Variants in SLC5A12 observed in about 807,000 individuals in gnomAD.
SLC5A12 encodes solute carrier family 5 member 12.
Under a neutral mutation model 72.7 loss-of-function variants are expected in SLC5A12, and 46 were observed. That is an observed-to-expected ratio of 0.63 (90% CI 0.50 to 0.81). SLC5A12 has a LOEUF of 0.81. Among genes scored for constraint, SLC5A12 ranks in the 30% least tolerant of loss-of-function variants. The pLI is 0.00. For missense variants in SLC5A12, 683 were observed against 740.7 expected (o/e 0.92, Z 0.90); for synonymous variants, 275 against 264.4 (o/e 1.04, Z -0.39).
At chr11:26,674,636 C>T (rs997699181) in intron 13 of SLC5A12, among the ~76,000 whole-genome samples, 6 of 152,118 alleles carry the variant, frequency 3.9e-5, no homozygotes, top group South Asian at 4.1e-4. Flanking sequence ...CTCCTGACCT[C>T]AGGTGATCTG....
chr11:26,686,443 T>G, intron 10 of SLC5A12, 34 bp downstream of exon 10: 2 of 1,608,680 alleles, frequency 1.2e-6, no homozygotes, highest in Non-Finnish European at 8.5e-7. Flanking sequence ...GAAGTTCCAG[T>G]GAAACCAAAT....
chr11:26,716,945 C>T (rs938633382), intron 1 of SLC5A12, among the ~76,000 whole-genome samples: 1 of 152,018 alleles, frequency 6.6e-6, no homozygotes, highest in Admixed American at 6.6e-5. Flanking sequence ...CTGTAATGAC[C>T]CATCATTTCT....
chr11:26,711,210 A>C (rs1855219150), intron 3 of SLC5A12, 97 bp downstream of exon 3: 2 of 991,438 alleles, frequency 2.0e-6, no homozygotes, highest in Admixed American at 4.0e-5. Flanking sequence ...TAACCAGAAG[A>C]ATATCTCCCC....
chr11:26,703,642 G>T lies in SLC5A12; in HGVS notation c.710C>A (p.Thr237Asn), dbSNP rs200010441. ...TCCTCCCACTGTGATAGTCCAAAAAGTGTGTCGCCTGAGAGGATCTACATC... is the reference window on the plus strand; with the variant it reads ...TCCTCCCACTGTGATAGTCCAAAAATTGTGTCGCCTGAGAGGATCTACATC... ...DFDVDPLRRH[T>N]FWTITVGGTF... Residue 237 changes from threonine (T) to asparagine (N), a missense_variant, in exon 6 of 15, where the codon ACT becomes AAT. Thr to Asn is a moderately conservative substitution (Grantham distance 65). Coordinates refer to ENST00000396005, the MANE Select transcript of SLC5A12 (RefSeq NM_178498.4). 2.5e-6 allele frequency: 4 copies of T among 1,613,728 alleles called. No homozygotes were observed. The highest frequency in any genetic ancestry group is 1.3e-5 in the African/African-American group (1 of 74,874).
intron 10 of SLC5A12, among the ~76,000 whole-genome samples, chr11:26,684,924 C>T (rs1160297775): frequency 1.3e-5 from 2 of 152,128 alleles, no homozygotes; most frequent in Admixed American, 6.6e-5. Flanking sequence ...AAAATAAGTG[C>T]CTGAGATCAC....
At chr11:26,691,677 T>C (rs1179827201) in intron 9 of SLC5A12, 1 of 152,180 alleles carries the variant, frequency 6.6e-6, no homozygotes, top group Non-Finnish European at 1.5e-5. Context: ...TATAATTTTA[T>C]TTAACAATGT....
intron 13 of SLC5A12, among the ~76,000 whole-genome samples, chr11:26,676,845 TAACATA>T (rs770154727): frequency 2.6e-5 from 4 of 152,042 alleles, no homozygotes; most frequent in Non-Finnish European, 5.9e-5. Flanking sequence ...CATGTATGAG[TAACATA>T]AACAGCATAT....
intron 13 of SLC5A12, among the ~76,000 whole-genome samples, chr11:26,673,995 C>G (rs1178269462): frequency 6.6e-6 from 1 of 152,006 alleles, no homozygotes; most frequent in Non-Finnish European, 1.5e-5. Flanking sequence ...ACAAGCAATA[C>G]CCTCATGTTC....
chr11:26,698,486 C>T lies in SLC5A12; in HGVS notation c.871G>A (p.Val291Ile), dbSNP rs375179641. Residue 291 changes from valine (V) to isoleucine (I), a missense_variant, in exon 7 of 15, where the codon GTC (valine) becomes ATC (isoleucine). Coordinates refer to ENST00000396005, the MANE Select transcript of SLC5A12 (RefSeq NM_178498.4). ...LGLWIILVCA[V>I]FSGLIMYSHF... is the part of the protein sequence containing the mutation. ...GAGTACATGATTAAGCCAGAGAAGACAGCACACACCAGAATGATCCAGAGA... is the reference window on the plus strand; with the variant it reads ...GAGTACATGATTAAGCCAGAGAAGATAGCACACACCAGAATGATCCAGAGA... The T allele has an allele frequency of 6.2e-7, 1 of 1,613,984 alleles. No individual in the cohort carries two copies. The highest frequency in any genetic ancestry group is 8.5e-7 in the Non-Finnish European group (1 of 1,179,968).
At chr11:26,685,595 G>T (rs1176159844) in intron 10 of SLC5A12, among the ~76,000 whole-genome samples, 5 of 150,124 alleles carry the variant, frequency 3.3e-5, no homozygotes, top group African/African-American at 4.9e-5. Context: ...GTGACAGAGT[G>T]AGACTCTGTC....
chr11:26,706,539 TTC>T (rs2133202260), intron 4 of SLC5A12, among the ~76,000 whole-genome samples: 1 of 152,068 alleles, frequency 6.6e-6, no homozygotes, highest in South Asian at 2.1e-4. Flanking sequence ...ATGCTTGTTT[TTC>T]TCTTTTCTTC....
chr11:26,682,145 C>A (rs1854423369), intron 11 of SLC5A12, among the ~76,000 whole-genome samples: 1 of 151,726 alleles, frequency 6.6e-6, no homozygotes, highest in East Asian at 1.9e-4. Context: ...AGACAATACC[C>A]AAGCAGAAGA....
rs750325260 is a variant in SLC5A12 at position 26,711,016 on chromosome 11, G to A, written c.457+291C>T. Among the ~76,000 whole-genome samples, 5 of 152,082 alleles carry A rather than the reference G, an allele frequency of 3.3e-5. No individual in the cohort carries two copies. In the East Asian group the frequency reaches 5.8e-4, roughly 18 times the overall value. ...CATACTTAGCAACATATACAATACC[G>A]AAACTGCCATAATTCCAATGATTTA... On this transcript the variant is annotated intron_variant, in intron 3 of 14. Transcript: ENST00000396005.
intron 4 of SLC5A12, among the ~76,000 whole-genome samples, chr11:26,705,828 C>T (rs77428344): frequency 0.033 from 5,042 of 151,730 alleles, 264 homozygotes; most frequent in African/African-American, 0.11. Flanking sequence ...AGAGAACAAA[C>T]CACTTTATCA....
intron 1 of SLC5A12, among the ~76,000 whole-genome samples, chr11:26,716,037 T>C (rs1855342315): frequency 6.6e-6 from 1 of 152,164 alleles, no homozygotes; most frequent in Non-Finnish European, 1.5e-5. Flanking sequence ...AGATTGGCAC[T>C]AGAAGTGGGG....
intron 1 of SLC5A12, among the ~76,000 whole-genome samples, chr11:26,717,893 C>G (rs894868191): frequency 6.6e-6 from 1 of 152,078 alleles, no homozygotes; most frequent in African/African-American, 2.4e-5. Context: ...ATCAGCTATG[C>G]CACCTTCCTT....
chr11:26,680,953 G>T, intron 12 of SLC5A12, 102 bp downstream of exon 12: 1 of 1,123,944 alleles, frequency 8.9e-7, no homozygotes, highest in Non-Finnish European at 1.2e-6. Context: ...TCTCATAAGA[G>T]AACAAGATAT....
intron 10 of SLC5A12, among the ~76,000 whole-genome samples, chr11:26,686,100 T>C (rs1590715548): frequency 6.6e-6 from 1 of 152,136 alleles, no homozygotes; most frequent in East Asian, 1.9e-4. Context: ...ACATAGTAAG[T>C]GTTACATAAA....
chr11:26,686,607 T>A, intron 9 of SLC5A12, 63 bp from the exon 10 acceptor site: 2 of 1,445,946 alleles, frequency 1.4e-6, no homozygotes, highest in East Asian at 4.6e-5. Context: ...AGGGATGCCT[T>A]GAGCCCCCAC....
Sources: gnomAD v4.1 joint callset for allele counts (sites outside exome capture counted in the v4.1 genomes callset) on GRCh38, gnomAD v4.1.1 for gene constraint, MANE v1.5 for transcripts, NCBI Gene and HGNC (gene_info 2026-07-23, HGNC 2026-07-21) for gene names.